The following RGP1 variants were observed in gnomAD, a reference collection of about 807,000 sequenced individuals.
RGP1 encodes RGP1 partner of RAB6A GEF complex.
Under a neutral mutation model 44.5 loss-of-function variants are expected in RGP1, and 28 were observed. That is an observed-to-expected ratio of 0.63 (90% CI 0.47 to 0.86). The LOEUF (loss-of-function observed/expected upper bound fraction) is 0.86. Ranked by LOEUF, RGP1 falls within the 40% of genes least tolerant of loss-of-function variation. RGP1 has a pLI of 0.00. For synonymous variants in RGP1, 212 were observed against 196.7 expected (o/e 1.08, Z -0.65); for missense variants, 417 against 490.7 (o/e 0.85, Z 1.42).
rs1237918276 is a variant in RGP1 at position 35,757,917 on chromosome 9, TAAAAA to T, written c.*5046_*5050del. ...AGTAATTTTGGTGGATTTTTAAAAA[TAAAAA>T]AATAAAAATAGAAAAGTTGCACAAT... On this transcript the variant is annotated 3_prime_UTR_variant, in exon 9 of 9. Transcript: ENST00000378078. The T allele has an allele frequency of 6.6e-6, 1 of 152,182 alleles. No individual in the cohort carries two copies. Among genetic ancestry groups the T allele is most frequent in the African/African-American group, 2.4e-5 (1 of 41,436 alleles). 9.4% of individuals were successfully genotyped at this position (152,182 alleles called of 1,614,324 possible). A position where few individuals can be genotyped will look rare whatever the true frequency, so the allele number is the denominator to read the frequency against.
At position 35,757,654 on chromosome 9, in the gene RGP1, A is replaced by T. The variant is rs1563975616; in HGVS notation, c.*4780A>T. 1.3e-5 allele frequency: 2 copies of T among 152,252 alleles called. No homozygotes were observed. Among genetic ancestry groups the T allele is most frequent in the African/African-American group, 4.8e-5 (2 of 41,428 alleles). The allele number at this position is 152,252 out of a possible 1,614,324, so 9.4% of individuals were successfully genotyped here. ...TGTCCAGAGGCTGACGTAGACAGTG[A>T]AGGGTGAAGGGTAGGTTTTAGGAGT... On this transcript the variant is annotated 3_prime_UTR_variant, in exon 9 of 9. Coordinates refer to ENST00000378078, the MANE Select transcript of RGP1 (RefSeq NM_001080496.3).
At chr9:35,751,921 C>A in intron 7 of RGP1, 35 bp from the exon 8 acceptor site, 1 of 1,558,840 alleles carries the variant, frequency 6.4e-7, no homozygotes. Context: ...ACAGACAGCA[C>A]TTCCTGTTAG....
rs1163529685 is a variant in RGP1 at position 35,751,755 on chromosome 9, G to A, written c.762+1G>A. On this transcript the variant is annotated splice_donor_variant, in intron 7 of 8. Coordinates refer to ENST00000378078, the MANE Select transcript of RGP1 (RefSeq NM_001080496.3). LOFTEE classifies it high-confidence loss of function. Reference sequence around the variant, plus strand: ...GGAAGGAACCGTAGCTTGTTTGCAGGTAAGAAGGGAGCAGAGCTTCTTACC... The same window carrying A: ...GGAAGGAACCGTAGCTTGTTTGCAGATAAGAAGGGAGCAGAGCTTCTTACC... 1 of 1,613,810 alleles carries A rather than the reference G, an allele frequency of 6.2e-7. No individual in the cohort carries two copies. Among genetic ancestry groups the A allele is most frequent in the Non-Finnish European group, 8.5e-7 (1 of 1,179,884 alleles).
chr9:35,786,141 G>T, the RGP1 span, among the ~76,000 whole-genome samples: 1 of 152,320 alleles, frequency 6.6e-6, no homozygotes, highest in African/African-American at 2.4e-5. Context: ...ATAGTGACTA[G>T]TGCATTTCCA....
chr9:35,785,798 C>T, the RGP1 span, among the ~76,000 whole-genome samples: 99 of 152,302 alleles, frequency 6.5e-4, no homozygotes, highest in Non-Finnish European at 9.6e-4. Flanking sequence ...CCTTTGCAAC[C>T]CCTGCCTTTG....
At chr9:35,790,352 A>G in the RGP1 span, 7 of 153,778 alleles carry the variant, frequency 4.6e-5, no homozygotes, top group East Asian at 1.3e-3. Context: ...TAAGGGCTGT[A>G]TCATTCGGCT....
chr9:35,780,821 G>A, the RGP1 span, among the ~76,000 whole-genome samples: 237 of 152,212 alleles, frequency 1.6e-3, no homozygotes, highest in African/African-American at 5.5e-3. Context: ...GAGTCTCGGG[G>A]GATGGAGGTT....
chr9:35,760,569 T>C (rs2132042730), downstream of RGP1, among the ~76,000 whole-genome samples: 1 of 152,328 alleles, frequency 6.6e-6, no homozygotes, highest in South Asian at 2.1e-4. Context: ...TGCTGATTTG[T>C]AGCTGGAATT....
the RGP1 span, among the ~76,000 whole-genome samples, chr9:35,774,211 T>G: frequency 6.6e-6 from 1 of 152,228 alleles, no homozygotes; most frequent in Admixed American, 6.5e-5. Context: ...GTTCTACCAC[T>G]GCTGGGTCCT....
At chr9:35,766,680 C>T in the RGP1 span, among the ~76,000 whole-genome samples, 62 of 152,196 alleles carry the variant, frequency 4.1e-4, no homozygotes, top group Non-Finnish European at 7.9e-4. Flanking sequence ...ATTTTGTTCT[C>T]ACTGCACAAA....
the RGP1 span, among the ~76,000 whole-genome samples, chr9:35,763,732 A>T: frequency 4.6e-5 from 7 of 151,902 alleles, no homozygotes; most frequent in Non-Finnish European, 8.8e-5. Flanking sequence ...AAATACAAAA[A>T]TTAGCCGAGT....
At chr9:35,779,728 G>C in the RGP1 span, among the ~76,000 whole-genome samples, 1 of 152,268 alleles carries the variant, frequency 6.6e-6, no homozygotes, top group African/African-American at 2.4e-5. Context: ...TCACATAACT[G>C]TCTCATAAGA....
chr9:35,750,901 G>T lies in RGP1; in HGVS notation c.399G>T (p.Lys133Asn), dbSNP rs374070771. Residue 133 changes from lysine to asparagine, a missense_variant, in exon 5 of 9, where the codon AAG becomes AAT. Coordinates refer to ENST00000378078, the MANE Select transcript of RGP1 (RefSeq NM_001080496.3). ...CCTCCTTTCGGGGTCAGTCAGTCAA[G>T]TACGTCTACAAACTGACCATTGGCT... ...GPPSFRGQSVKYVYKLTIGCQ... is the reference protein window; with the variant it reads ...GPPSFRGQSVNYVYKLTIGCQ... The T allele has an allele frequency of 3.7e-5, 60 of 1,613,904 alleles. No homozygotes were observed. Among genetic ancestry groups the T allele is most frequent in the Non-Finnish European group, 4.6e-5 (54 of 1,179,880 alleles).
At chr9:35,764,148 G>A in the RGP1 span, among the ~76,000 whole-genome samples, 1 of 151,960 alleles carries the variant, frequency 6.6e-6, no homozygotes, top group Non-Finnish European at 1.5e-5. Context: ...AGAAGAAGAA[G>A]AAAAAAGAAG....
At chr9:35,781,661 G>A in the RGP1 span, among the ~76,000 whole-genome samples, 1 of 151,954 alleles carries the variant, frequency 6.6e-6, no homozygotes, top group Non-Finnish European at 1.5e-5. Flanking sequence ...TCCTGAATTC[G>A]GCATGATTTA....
chr9:35,784,278 T>G, the RGP1 span, among the ~76,000 whole-genome samples: 1 of 152,216 alleles, frequency 6.6e-6, no homozygotes, highest in African/African-American at 2.4e-5. Context: ...AGAAGCTTTT[T>G]AATTTGATGC....
At chr9:35,762,210 A>G (rs777204859), downstream of RGP1, among the ~76,000 whole-genome samples, 2 of 152,208 alleles carry the variant, frequency 1.3e-5, no homozygotes, top group African/African-American at 4.8e-5. Flanking sequence ...ATACAAGGAA[A>G]TAAGGCAGAC....
chr9:35,760,027 T>A (rs1290024299), downstream of RGP1, among the ~76,000 whole-genome samples: 4 of 151,928 alleles, frequency 2.6e-5, no homozygotes, highest in Non-Finnish European at 1.5e-5. Flanking sequence ...CTGCTGTCAC[T>A]CAGCGCCTCA....
chr9:35,752,505 C>A (rs1827283400), intron 8 of RGP1, 146 bp from the exon 9 acceptor site: 1 of 735,306 alleles, frequency 1.4e-6, no homozygotes, highest in Non-Finnish European at 2.3e-6. Context: ...TTCAGAAAAA[C>A]CCTTAATCAC....
Sources: allele counts gnomAD v4.1 joint callset (sites outside exome capture counted in the v4.1 genomes callset), GRCh38; gene constraint gnomAD v4.1.1; transcripts MANE v1.5; gene names NCBI Gene and HGNC (gene_info 2026-07-23, HGNC 2026-07-21).